NPAS3: variants seen among roughly 807,000 people sequenced by gnomAD.
The protein encoded by NPAS3 is neuronal PAS domain-containing protein 3.
Under a neutral mutation model 73.1 loss-of-function variants are expected in NPAS3, and 14 were observed. The observed-to-expected ratio is 0.19, with a 90% CI of 0.13 to 0.30. The LOEUF is 0.30. Ranked by LOEUF, NPAS3 falls within the 10% of genes least tolerant of loss-of-function variation. NPAS3 has a pLI of 1.00. For missense variants in NPAS3, 1,096 were observed against 1,250.0 expected, an observed-to-expected ratio of 0.88 and a Z score of 1.86; for synonymous variants, 620 against 541.5, an observed-to-expected ratio of 1.14 and a Z score of -2.01.
rs183387710 is a variant in NPAS3 at position 33,313,137 on chromosome 14, T to C, written c.386-54049T>C. 2.0e-5 allele frequency among the ~76,000 whole-genome samples: 3 copies of C among 152,082 alleles called. No homozygotes were observed. In the East Asian group the frequency reaches 5.8e-4, roughly 29 times the overall value. The stretch of plus-strand genomic sequence containing the variant: ...GAATAGCTAGGATGGAACAGTGAAG[T>C]GTCGGAATGCATGGAGATCAGATTA... On this transcript the variant is annotated intron_variant, in intron 3 of 11. Transcript: ENST00000356141.
chr14:33,792,581 CAAA>C (rs199708187), intron 9 of NPAS3, among the ~76,000 whole-genome samples: 16 of 126,210 alleles, frequency 1.3e-4, no homozygotes, highest in African/African-American at 2.6e-4. Flanking sequence ...CACCCCCCTC[CAAA>C]AAAAAAAAAA....
intron 4 of NPAS3, among the ~76,000 whole-genome samples, chr14:33,367,713 T>C (rs978855947): frequency 1.3e-5 from 2 of 151,952 alleles, no homozygotes; most frequent in African/African-American, 4.8e-5. Context: ...TATTTGTGAG[T>C]GCTTCCAATC....
chr14:33,527,786 G>A (rs1390617983), intron 4 of NPAS3, among the ~76,000 whole-genome samples: 1 of 152,088 alleles, frequency 6.6e-6, no homozygotes, highest in Admixed American at 6.6e-5. Context: ...TTTCCTAGTG[G>A]GCAAGTGCTG....
chr14:33,008,279 T>A (rs1432086463), intron 1 of NPAS3, among the ~76,000 whole-genome samples: 1 of 152,174 alleles, frequency 6.6e-6, no homozygotes, highest in Non-Finnish European at 1.5e-5. Context: ...AGGAAATTTA[T>A]CCCCAGCACT....
At chr14:33,043,996 G>A (rs1044064813) in intron 1 of NPAS3, among the ~76,000 whole-genome samples, 1 of 152,026 alleles carries the variant, frequency 6.6e-6, no homozygotes, top group African/African-American at 2.4e-5. Flanking sequence ...TCTTACATTT[G>A]ACTCTTATGT....
chr14:33,754,927 C>T (rs1442223648), intron 7 of NPAS3, among the ~76,000 whole-genome samples: 22 of 151,968 alleles, frequency 1.4e-4, no homozygotes, highest in Non-Finnish European at 1.5e-5. Flanking sequence ...TAGACGAGAC[C>T]ATGGACACAG....
chr14:33,394,940 CATTT>C (rs2047158148), intron 4 of NPAS3, among the ~76,000 whole-genome samples: 1 of 152,122 alleles, frequency 6.6e-6, no homozygotes, highest in South Asian at 2.1e-4. Context: ...GGAAAACAAA[CATTT>C]ATCAATATTA....
At chr14:33,639,905 C>T (rs913457013) in intron 5 of NPAS3, among the ~76,000 whole-genome samples, 1 of 152,164 alleles carries the variant, frequency 6.6e-6, no homozygotes, top group Admixed American at 6.6e-5. Flanking sequence ...TATTGTCTTA[C>T]TGCTTATAAT....
chr14:33,204,037 A>G (rs1035561870), intron 2 of NPAS3, among the ~76,000 whole-genome samples: 15 of 152,178 alleles, frequency 9.9e-5, no homozygotes, highest in African/African-American at 3.1e-4. Context: ...ATGGTATCTC[A>G]TTGTGGTTTT....
chr14:33,146,051 A>G (rs138002184), intron 2 of NPAS3, among the ~76,000 whole-genome samples: 185 of 152,322 alleles, frequency 1.2e-3, no homozygotes, highest in African/African-American at 4.2e-3. Context: ...AGAAGCTGCT[A>G]TGTCCTTGTT....
chr14:33,202,545 G>C (rs1483971085), intron 2 of NPAS3, among the ~76,000 whole-genome samples: 1 of 152,156 alleles, frequency 6.6e-6, no homozygotes, highest in Non-Finnish European at 1.5e-5. Context: ...GAGCCTATCA[G>C]AGGACTGAGC....
At chr14:32,951,673 A>G (rs190235314) in intron 1 of NPAS3, among the ~76,000 whole-genome samples, 23 of 152,238 alleles carry the variant, frequency 1.5e-4, no homozygotes, top group Non-Finnish European at 1.5e-4. Flanking sequence ...TACAATGAAG[A>G]AGGAAGTTAA....
At chr14:33,369,932 G>T (rs1261833396) in intron 4 of NPAS3, among the ~76,000 whole-genome samples, 2 of 152,158 alleles carry the variant, frequency 1.3e-5, no homozygotes, top group African/African-American at 2.4e-5. Flanking sequence ...TTTCAGAAGG[G>T]TCCATGGGAG....
intron 2 of NPAS3, among the ~76,000 whole-genome samples, chr14:33,062,147 C>A (rs76117032): frequency 6.6e-6 from 1 of 152,024 alleles, no homozygotes; most frequent in South Asian, 2.1e-4. Flanking sequence ...ACTGCATCTT[C>A]GAGAAGAATT....
chr14:33,319,310 G>A lies in NPAS3; in HGVS notation c.386-47876G>A, dbSNP rs560500184. ...AGAGCAAGTCACAAGGCCAGCCTTG[G>A]AACCAAGGGAAGGCAAATAGACTCT... On this transcript the variant is annotated intron_variant, in intron 3 of 11. Coordinates refer to ENST00000356141, the Ensembl canonical transcript of NPAS3. Among the ~76,000 whole-genome samples the A allele has an allele frequency of 8.5e-5, 13 of 152,194 alleles. No individual in the cohort carries two copies. In the South Asian group the frequency reaches 2.1e-3, roughly 24 times the overall value.
intron 2 of NPAS3, among the ~76,000 whole-genome samples, chr14:33,107,274 G>A (rs2042750845): frequency 6.6e-6 from 1 of 151,480 alleles, no homozygotes; most frequent in African/African-American, 2.4e-5. Flanking sequence ...TTAGAATCAG[G>A]GAGTACATGT....
chr14:33,485,829 T>G (rs10151977), intron 4 of NPAS3, among the ~76,000 whole-genome samples: 5,065 of 150,268 alleles, frequency 0.034, 281 homozygotes, highest in African/African-American at 0.12. Flanking sequence ...TAAAGTGCAT[T>G]TGAATTTGCA....
chr14:32,941,995 G>A (rs2036036380), intron 1 of NPAS3, among the ~76,000 whole-genome samples: 1 of 152,190 alleles, frequency 6.6e-6, no homozygotes, highest in Non-Finnish European at 1.5e-5. Context: ...TTGTTTAGGA[G>A]GGGGCTGTTT....
chr14:33,767,599 C>CTTTT (rs10711937), intron 7 of NPAS3, among the ~76,000 whole-genome samples: 16 of 138,646 alleles, frequency 1.2e-4, no homozygotes, highest in Non-Finnish European at 2.2e-4. Flanking sequence ...GGACTCTTGT[C>CTTTT]TTTTTTTTTT....
Sources: allele counts gnomAD v4.1 joint callset (sites outside exome capture counted in the v4.1 genomes callset), GRCh38; gene constraint gnomAD v4.1.1; transcripts MANE v1.5; gene names NCBI Gene and HGNC (gene_info 2026-07-23, HGNC 2026-07-21).